GSN: variants seen among roughly 807,000 people sequenced by gnomAD.
GSN encodes actin-depolymerizing factor.
Under a neutral mutation model 85.7 loss-of-function variants are expected in GSN, and 56 were observed. That is an observed-to-expected ratio of 0.65 (90% CI 0.53 to 0.82). The LOEUF (loss-of-function observed/expected upper bound fraction) is 0.82, where lower values mean the gene tolerates loss of function less well. Among genes scored for constraint, GSN ranks in the 40% least tolerant of loss-of-function variants. GSN has a pLI of 0.00. For missense variants in GSN, 857 were observed against 979.8 expected (o/e 0.87, Z 1.67); for synonymous variants, 373 against 399.1 (o/e 0.93, Z 0.78).
At chr9:121,224,990 A>T (rs1375535236) in intron 4 of GSN, among the ~76,000 whole-genome samples, 2 of 151,910 alleles carry the variant, frequency 1.3e-5, no homozygotes, top group Non-Finnish European at 2.9e-5. Context: ...GATAATTTTT[A>T]AAATTATTTG....
intron 12 of GSN, 144 bp downstream of exon 12, chr9:121,324,788 T>TCCAG (rs1320648621): frequency 3.0e-6 from 2 of 677,210 alleles, no homozygotes; most frequent in African/African-American, 3.5e-5. Context: ...CATCCATCCA[T>TCCAG]CCATCCATGG....
At chr9:121,206,909 CT>C (rs567518434), upstream of GSN, among the ~76,000 whole-genome samples, 290 of 152,268 alleles carry the variant, frequency 1.9e-3, no homozygotes, top group Admixed American at 3.7e-3. Context: ...TGGTAAACAT[CT>C]TTCAACTTTA....
chr9:121,304,562 A>G (rs1279317687), intron 4 of GSN, among the ~76,000 whole-genome samples: 1 of 152,228 alleles, frequency 6.6e-6, no homozygotes, highest in African/African-American at 2.4e-5. Flanking sequence ...CAAGTCTTGT[A>G]TCTTTGGGCG....
chr9:121,294,689 G>A (rs781689562), intron 2 of GSN, among the ~76,000 whole-genome samples: 2 of 152,322 alleles, frequency 1.3e-5, no homozygotes, highest in East Asian at 1.9e-4. Flanking sequence ...AGCCAGCCCC[G>A]ATGGGGAGCA....
Position 121,328,992 on chromosome 9 carries a change from T to A in GSN, c.1864T>A (p.Ser622Thr), listed in dbSNP as rs1465036469. The change falls in exon 15 of 18, where the codon TCC becomes ACC. Residue 622 changes from serine to threonine, a missense_variant. By Grantham distance (58) the Ser-to-Thr change is moderately conservative. Transcript: ENST00000432226. ...DAHPPRLFAC[S>T]NKIGRFVIEE... ...CCATCCTCCTCGCCTCTTTGCCTGC[T>A]CCAACAAGATTGGACGTTTTGTGGT... is the stretch of plus-strand genomic sequence containing the variant. The A allele has an allele frequency of 6.2e-7, 1 of 1,613,944 alleles. No homozygotes were observed. Among genetic ancestry groups the A allele is most frequent in the East Asian group, 2.2e-5 (1 of 44,872 alleles).
At chr9:121,219,500 CT>C in intron 4 of GSN, among the ~76,000 whole-genome samples, 1 of 152,116 alleles carries the variant, frequency 6.6e-6, no homozygotes. Flanking sequence ...TTTTATATGA[CT>C]AGCAAAAGGG....
chr9:121,281,860 G>C (rs1427320815), intron 2 of GSN: 2 of 471,164 alleles, frequency 4.2e-6, no homozygotes, highest in African/African-American at 4.0e-5. Context: ...TAGGAGAGTT[G>C]CTTTCCCTCT....
chr9:121,233,132 C>T (rs972819673), intron 5 of GSN, among the ~76,000 whole-genome samples: 3 of 152,114 alleles, frequency 2.0e-5, no homozygotes, highest in Admixed American at 2.0e-4. Flanking sequence ...GACTAACAAC[C>T]TCCTCTTCCT....
chr9:121,310,775 G>C lies in GSN; in HGVS notation c.443G>C (p.Arg148Pro). 1 of 1,614,134 alleles carries C rather than the reference G, an allele frequency of 6.2e-7. No individual in the cohort carries two copies. The highest frequency in any genetic ancestry group is 2.2e-5 in the East Asian group (1 of 44,880). The part of the protein sequence containing the change: ...LFQVKGRRVV[R>P]ATEVPVSWES... The stretch of plus-strand genomic sequence containing the variant: ...CAGGTCAAAGGGCGGCGTGTGGTCC[G>C]TGCCACCGAGGTACCTGTGTCCTGG... The change falls in exon 5 of 18, where the codon CGT becomes CCT. Residue 148 changes from arginine to proline, a missense_variant. Coordinates refer to ENST00000432226, the MANE Select transcript of GSN (RefSeq NM_198252.3).
chr9:121,324,251 T>A (rs1275837370), intron 11 of GSN, among the ~76,000 whole-genome samples: 1 of 152,178 alleles, frequency 6.6e-6, no homozygotes, highest in Non-Finnish European at 1.5e-5. Context: ...CAGATTTGAG[T>A]CTCAGAGCAT....
Position 121,321,311 on chromosome 9 carries a change from C to A in GSN, c.1235C>A (p.Ala412Asp), listed in dbSNP as rs914956728. ...EGSNKVPVDP[A>D]TYGQFYGGDS... The stretch of plus-strand genomic sequence containing the variant: ...TCCAACAAGGTGCCCGTGGACCCTG[C>A]CACATATGGACAGTTCTATGGAGGC... Residue 412 changes from alanine (A) to aspartate (D), a missense_variant, in exon 11 of 18, where the codon GCC (alanine) becomes GAC (aspartate). Physicochemically the swap from Ala to Asp is moderately radical, Grantham distance 126. Transcript: ENST00000432226. The A allele has an allele frequency of 1.9e-6, 3 of 1,613,738 alleles. No homozygotes were observed. The highest frequency in any genetic ancestry group is 2.5e-6 in the Non-Finnish European group (3 of 1,179,594).
intron 10 of GSN, among the ~76,000 whole-genome samples, chr9:121,320,396 G>A (rs977464508): frequency 3.3e-5 from 5 of 152,230 alleles, no homozygotes; most frequent in Admixed American, 2.0e-4. Context: ...TGTAATCCCA[G>A]CACTTTGGGT....
At chr9:121,280,232 T>G (rs1348658724) in intron 1 of GSN, 2 of 152,266 alleles carry the variant, frequency 1.3e-5, no homozygotes, top group African/African-American at 4.8e-5. Context: ...TGACTGGAAT[T>G]CTTAGTGGCG....
chr9:121,295,707 C>T (rs1033669078), intron 2 of GSN, among the ~76,000 whole-genome samples: 2 of 152,082 alleles, frequency 1.3e-5, no homozygotes, highest in Admixed American at 6.5e-5. Context: ...AGGGAGGGGT[C>T]CCCCAGGGGG....
At chr9:121,240,970 A>G (rs2054592551) in intron 5 of GSN, among the ~76,000 whole-genome samples, 1 of 152,232 alleles carries the variant, frequency 6.6e-6, no homozygotes, top group Non-Finnish European at 1.5e-5. Context: ...GCTTTTTTAA[A>G]TATTTGCAGA....
intron 2 of GSN, chr9:121,286,728 C>T: frequency 6.5e-7 from 1 of 1,535,398 alleles, no homozygotes; most frequent in Non-Finnish European, 8.7e-7. Context: ...CCTTACCTGT[C>T]TGATGAGAGC....
chr9:121,219,629 A>C (rs1395392813), intron 4 of GSN, among the ~76,000 whole-genome samples: 1 of 152,126 alleles, frequency 6.6e-6, no homozygotes, highest in Non-Finnish European at 1.5e-5. Flanking sequence ...CTTAGGTCTC[A>C]CCTAGGACCT....
intron 2 of GSN, among the ~76,000 whole-genome samples, chr9:121,301,081 G>A (rs2059793642): frequency 6.6e-6 from 1 of 152,352 alleles, no homozygotes; most frequent in Non-Finnish European, 1.5e-5. Context: ...TCTGTCTGCA[G>A]ATTGGGGTTG....
chr9:121,269,649 C>G (rs1014197443), intron 1 of GSN, among the ~76,000 whole-genome samples: 21 of 152,214 alleles, frequency 1.4e-4, no homozygotes, highest in Middle Eastern at 3.4e-3. Flanking sequence ...TGGGGCCATG[C>G]TATTTATAAA....
Sources: gnomAD v4.1 joint callset for allele counts (sites outside exome capture counted in the v4.1 genomes callset) on GRCh38, gnomAD v4.1.1 for gene constraint, MANE v1.5 for transcripts, NCBI Gene and HGNC (gene_info 2026-07-23, HGNC 2026-07-21) for gene names.